Variants in UGP2 observed in about 807,000 individuals in gnomAD.
UGP2 encodes the protein UTP--glucose-1-phosphate uridylyltransferase.
In UGP2, 40 loss-of-function variants were observed where a neutral mutation model predicts 49.0. That is an observed-to-expected ratio of 0.82 (90% CI 0.63 to 1.06). UGP2 has a LOEUF of 1.06. UGP2 is among the 50% of genes least tolerant of loss of function. UGP2 has a pLI of 0.00. For synonymous variants in UGP2, 225 were observed against 213.0 expected (o/e 1.06, Z -0.49); for missense variants, 460 against 603.5 (o/e 0.76, Z 2.49).
Position 63,842,017 on chromosome 2 carries a change from C to G in UGP2, c.-169C>G. On this transcript the variant is annotated 5_prime_UTR_variant, in exon 1 of 10. Transcript: ENST00000337130. Reference sequence around the variant, plus strand: ...AGTTTCTTTCTTTCTTTTCTTTTTTCTTGAGCCAGTTTTAATCGCTTTGAA... The same window carrying G: ...AGTTTCTTTCTTTCTTTTCTTTTTTGTTGAGCCAGTTTTAATCGCTTTGAA... 1.4e-6 allele frequency: 1 copy of G among 735,180 alleles called. No individual in the cohort carries two copies. Among genetic ancestry groups the G allele is most frequent in the Middle Eastern group, 4.2e-4 (1 of 2,372 alleles). 45.5% of individuals were successfully genotyped at this position (735,180 alleles called of 1,614,324 possible). A position where few individuals can be genotyped will look rare whatever the true frequency, so the allele number is the denominator to read the frequency against.
intron 3 of UGP2, among the ~76,000 whole-genome samples, chr2:63,873,494 T>A (rs1355207413): frequency 1.3e-5 from 2 of 152,048 alleles, no homozygotes; most frequent in Non-Finnish European, 2.9e-5. Context: ...TTTTTGGGGG[T>A]GGTGAACTAG....
chr2:63,882,588 T>G lies in UGP2; in HGVS notation c.378T>G (p.Pro126=). 2 of 1,611,068 alleles carry G rather than the reference T, an allele frequency of 1.2e-6. No homozygotes were observed. Among genetic ancestry groups the G allele is most frequent in the Non-Finnish European group, 1.7e-6 (2 of 1,177,888 alleles). ...GLGTSMGCKG[P]KSLIGVRNEN... ...GAACCAGCATGGGCTGCAAAGGCCC[T>G]AAAAGTCTGATTGGTGTGAGGAATG... Residue 126 remains proline, a synonymous_variant, in exon 4 of 10, where the codon CCT becomes CCG. Transcript: ENST00000337130.
intron 3 of UGP2, among the ~76,000 whole-genome samples, chr2:63,861,710 A>T (rs1290383834): frequency 6.0e-5 from 9 of 151,152 alleles, no homozygotes; most frequent in Admixed American, 5.9e-4. Context: ...AAAACAAAAA[A>T]ACGACTTTTT....
intron 8 of UGP2, chr2:63,888,304 T>C (rs1339630308): frequency 1.3e-5 from 2 of 152,266 alleles, no homozygotes; most frequent in Admixed American, 6.5e-5. Context: ...GTCATCAGTA[T>C]GTTCTTGGAA....
intron 3 of UGP2, among the ~76,000 whole-genome samples, chr2:63,859,821 T>C (rs1313446201): frequency 6.6e-6 from 1 of 152,256 alleles, no homozygotes; most frequent in African/African-American, 2.4e-5. Context: ...TGCAATCCCA[T>C]ATGCCCTTAA....
In UGP2 at chr2:63,857,848, A is replaced by G; in HGVS notation, c.167A>G (p.Asp56Gly). 3.7e-6 allele frequency: 6 copies of G among 1,614,046 alleles called. No homozygotes were observed. Among genetic ancestry groups the G allele is most frequent in the South Asian group, 2.2e-5 (2 of 91,064 alleles). Residue 56 changes from aspartate (D) to glycine (G), a missense_variant, in exon 3 of 10, where the codon GAT (aspartate) becomes GGT (glycine). Around this residue, in one of 2 missense-constraint regions of UGP2, gnomAD observed 143 missense variants for 130.4 expected, o/e 1.10. Coordinates refer to ENST00000337130, the MANE Select transcript of UGP2 (RefSeq NM_006759.4). ...HEFEHTKKDL[D>G]GFRKLFHRFL... ...TCACAGCACACCAAAAAAGACCTGG[A>G]TGGATTTCGGAAGCTATTTCATAGA...
At chr2:63,847,919 T>G (rs1404985324) in intron 1 of UGP2, among the ~76,000 whole-genome samples, 2 of 152,198 alleles carry the variant, frequency 1.3e-5, no homozygotes, top group Non-Finnish European at 2.9e-5. Flanking sequence ...GACATAGGCA[T>G]TATGAGTTCT....
At chr2:63,887,255 A>T in intron 7 of UGP2, 147 bp from the exon 8 acceptor site, 1 of 1,070,028 alleles carries the variant, frequency 9.3e-7, no homozygotes, top group Non-Finnish European at 1.3e-6. Context: ...ACAGATCAAG[A>T]CTCCTTCTCA....
chr2:63,846,445 T>A lies in UGP2; in HGVS notation c.19+4241T>A, dbSNP rs201891936. 1.6e-4 allele frequency among the ~76,000 whole-genome samples: 24 copies of A among 151,870 alleles called. 1 individual carries two copies. Among genetic ancestry groups the A allele is most frequent in the East Asian group, 5.8e-4 (3 of 5,160 alleles). On this transcript the variant is annotated intron_variant, in intron 1 of 9. Coordinates refer to ENST00000337130, the MANE Select transcript of UGP2 (RefSeq NM_006759.4). ...TCTAATATTAGAGGCATTGTTTTTTTAAAAAAAATGATTCTAAATGTGCCA... is the reference window on the plus strand; with the variant it reads ...TCTAATATTAGAGGCATTGTTTTTTAAAAAAAAATGATTCTAAATGTGCCA...
intron 1 of UGP2, chr2:63,842,645 T>G (rs1176346024): frequency 2.8e-6 from 4 of 1,413,048 alleles, no homozygotes; most frequent in Non-Finnish European, 3.7e-6. Context: ...GTTCTCCGCT[T>G]CTACTTCGTT....
At chr2:63,842,434 T>A (rs778192931) in intron 1 of UGP2, 10 of 1,559,142 alleles carry the variant, frequency 6.4e-6, no homozygotes, top group South Asian at 1.1e-5. Flanking sequence ...CTCCCTGAAA[T>A]CAGGTTAGTA....
chr2:63,874,881 C>A (rs537279645), intron 3 of UGP2, among the ~76,000 whole-genome samples: 1 of 151,952 alleles, frequency 6.6e-6, no homozygotes, highest in African/African-American at 2.4e-5. Flanking sequence ...TGGAAGATTC[C>A]GGAGGTGCTC....
intron 3 of UGP2, among the ~76,000 whole-genome samples, chr2:63,869,983 CG>C (rs1234687265): frequency 6.8e-6 from 1 of 146,066 alleles, no homozygotes; most frequent in Non-Finnish European, 1.5e-5. Context: ...AGTGCAGTGG[CG>C]CAATCTCGGC....
intron 3 of UGP2, among the ~76,000 whole-genome samples, chr2:63,865,532 A>AT (rs11418488): frequency 0.74 from 95,014 of 128,278 alleles, 35,245 homozygotes; most frequent in East Asian, 0.86. Context: ...GCTTGGGTCT[A>AT]TTTTTTTTTT....
At chr2:63,882,727 T>C (rs1266578671) in intron 4 of UGP2, 76 bp downstream of exon 4, 1 of 1,381,370 alleles carries the variant, frequency 7.2e-7, no homozygotes, top group Non-Finnish European at 9.6e-7. Flanking sequence ...TGTTATAAAA[T>C]GTAGCAGATG....
intron 1 of UGP2, chr2:63,855,460 A>T: frequency 2.2e-6 from 1 of 465,028 alleles, no homozygotes; most frequent in Non-Finnish European, 4.3e-6. Context: ...ATAAAGTATA[A>T]AACAGCCTGT....
chr2:63,848,151 A>C (rs1435319904), intron 1 of UGP2, among the ~76,000 whole-genome samples: 1 of 152,210 alleles, frequency 6.6e-6, no homozygotes, highest in African/African-American at 2.4e-5. Context: ...AATATGATTC[A>C]GTTACTACCT....
At chr2:63,852,864 G>A (rs942049987) in intron 1 of UGP2, among the ~76,000 whole-genome samples, 5 of 152,166 alleles carry the variant, frequency 3.3e-5, no homozygotes, top group Admixed American at 2.6e-4. Context: ...TGTTAATGCC[G>A]TGGAGAACAG....
chr2:63,857,537 A>G (rs1558939421), intron 2 of UGP2: 1 of 459,016 alleles, frequency 2.2e-6, no homozygotes, highest in East Asian at 6.5e-5. Flanking sequence ...TAATTTTTGT[A>G]TTTTTTTTGT....
Sources: allele counts gnomAD v4.1 joint callset (sites outside exome capture counted in the v4.1 genomes callset), GRCh38; gene constraint gnomAD v4.1.1; regional missense constraint gnomAD v4.1.1; transcripts MANE v1.5; gene names NCBI Gene and HGNC (gene_info 2026-07-23, HGNC 2026-07-21).